Variants in C19orf12 observed in about 807,000 individuals in gnomAD.
C19orf12 encodes chromosome 19 open reading frame 12, also known as protein C19orf12.
In C19orf12, 2 loss-of-function variants were observed where a neutral mutation model predicts 3.8. That is an observed-to-expected ratio of 0.53 (90% confidence interval 0.22 to 1.66). C19orf12 has a LOEUF of 1.66. Among genes scored for constraint, C19orf12 ranks in the 40% most tolerant of loss-of-function variants. C19orf12 has a pLI of 0.20. For missense variants in C19orf12, 156 were observed against 188.8 expected, an observed-to-expected ratio of 0.83 and a Z score of 1.02; for synonymous variants, 89 against 84.6, an observed-to-expected ratio of 1.05 and a Z score of -0.28.
In C19orf12 at chr19:29,700,245, G is replaced by A. The variant is rs1372158131; in HGVS notation, c.*2467C>T. ...AATGGGGCCCAATCGCCTAACAAAG[G>A]CAACTCAATTTCAGCCCCGATTGTT... On this transcript the variant is annotated 3_prime_UTR_variant, in exon 3 of 3. Transcript: ENST00000323670. The A allele has an allele frequency of 4.4e-6, 2 of 453,992 alleles. No individual in the cohort carries two copies. Among genetic ancestry groups the A allele is most frequent in the Non-Finnish European group, 8.8e-6 (2 of 226,804 alleles). The allele number at this position is 453,992 out of a possible 1,614,324, so 28.1% of individuals were successfully genotyped here.
rs2099101 is a variant in C19orf12 at position 29,705,141 on chromosome 19, C to T, written c.161-2164G>A. 146,861 of 198,990 alleles carry T rather than the reference C, an allele frequency of 0.74. 55,570 individuals are homozygous for T. Among genetic ancestry groups the T allele is most frequent in the African/African-American group, 0.86 (37,105 of 42,990 alleles). 12.3% of individuals were successfully genotyped at this position (198,990 alleles called of 1,614,324 possible). On this transcript the variant is annotated intron_variant, in intron 2 of 2. Transcript: ENST00000323670. ...TCACTGACGTCATGTGAATATCACA[C>T]ACCCCCAGAATTAATGCAAGACAAG...
upstream of C19orf12, chr19:29,715,285 C>T (rs547652287): frequency 5.0e-6 from 2 of 398,072 alleles, no homozygotes; most frequent in Non-Finnish European, 9.8e-6. Context: ...GTCCCACCTT[C>T]CGGCTGCGCC....
chr19:29,707,400 C>T (rs1972431614), intron 2 of C19orf12, among the ~76,000 whole-genome samples: 1 of 152,082 alleles, frequency 6.6e-6, no homozygotes, highest in South Asian at 2.1e-4. Context: ...GTGGGCAGGC[C>T]CTCTAAGGGT....
chr19:29,700,425 G>C lies in C19orf12; in HGVS notation c.*2287C>G, dbSNP rs987918581. 4.4e-6 allele frequency: 2 copies of C among 454,038 alleles called. No homozygotes were observed. The highest frequency in any genetic ancestry group is 4.7e-5 in the Admixed American group (2 of 42,568). The allele number at this position is 454,038 out of a possible 1,614,324, so 28.1% of individuals were successfully genotyped here. Reference sequence around the variant, plus strand: ...ACGTTTTTTCCTTCACACTAAAAACGGGCAACTTTAGAGCCCACTAAAGCT... The same window carrying C: ...ACGTTTTTTCCTTCACACTAAAAACCGGCAACTTTAGAGCCCACTAAAGCT... On this transcript the variant is annotated 3_prime_UTR_variant, in exon 3 of 3. Transcript: ENST00000323670.
chr19:29,708,265 C>A lies in C19orf12; in HGVS notation c.149G>T (p.Gly50Val). 6.2e-7 allele frequency: 1 copy of A among 1,612,320 alleles called. No homozygotes were observed. Among genetic ancestry groups the A allele is most frequent in the South Asian group, 1.1e-5 (1 of 91,078 alleles). Residue 50 changes from glycine to valine, a missense_variant, in exon 2 of 3, where the codon GGA becomes GTA. Physicochemically the swap from Gly to Val is moderately radical, Grantham distance 109. Coordinates refer to ENST00000323670, the MANE Select transcript of C19orf12 (RefSeq NM_031448.6). ...ACACCTGCACTTACCAACGGCGAGT[C>A]CCGGTGGGCCGCCCACCAAACCCCC... ...FVGGLVGGPP[G>V]LAVGGAVGGL...
intron 1 of C19orf12, 40 bp from the exon 2 acceptor site, chr19:29,708,463 T>A (rs773877667): frequency 6.2e-7 from 1 of 1,607,006 alleles, no homozygotes; most frequent in Non-Finnish European, 8.5e-7. Context: ...TCAATGAGCA[T>A]AAGAGTATTT....
At chr19:29,710,660 C>G (rs1376240246) in intron 1 of C19orf12, among the ~76,000 whole-genome samples, 1 of 152,110 alleles carries the variant, frequency 6.6e-6, no homozygotes, top group South Asian at 2.1e-4. Flanking sequence ...CCTTGTGAGC[C>G]CTGCTCACAT....
At position 29,700,103 on chromosome 19, in the gene C19orf12, G is replaced by A; in HGVS notation, c.*2609C>T. On this transcript the variant is annotated 3_prime_UTR_variant, in exon 3 of 3. Transcript: ENST00000323670. ...ATCTCCTCCCTGGGCATTTTTCCCT[G>A]CAGTAGGGGTGGGCAGGCTGTGGGA... 1 of 454,044 alleles carries A rather than the reference G, an allele frequency of 2.2e-6. No homozygotes were observed. Among genetic ancestry groups the A allele is most frequent in the South Asian group, 1.6e-5 (1 of 64,480 alleles). The allele number at this position is 454,044 out of a possible 1,614,324, so 28.1% of individuals were successfully genotyped here. A position where few individuals can be genotyped will look rare whatever the true frequency, so the allele number is the denominator to read the frequency against.
At position 29,700,729 on chromosome 19, in the gene C19orf12, T is replaced by C. The variant is rs1007852045; in HGVS notation, c.*1983A>G. On this transcript the variant is annotated 3_prime_UTR_variant, in exon 3 of 3. Coordinates refer to ENST00000323670, the MANE Select transcript of C19orf12 (RefSeq NM_031448.6). ...GAGGCCAGCAGAAGAGCAATCGCTC[T>C]GCAAGAGAAAGGCTCGGCCCTTCCT... is the stretch of plus-strand genomic sequence containing the variant. 16 of 454,058 alleles carry C rather than the reference T, an allele frequency of 3.5e-5. No individual in the cohort carries two copies. Among genetic ancestry groups the C allele is most frequent in the Non-Finnish European group, 7.1e-5 (16 of 226,814 alleles). The allele number at this position is 454,058 out of a possible 1,614,324, so 28.1% of individuals were successfully genotyped here.
intron 2 of C19orf12, among the ~76,000 whole-genome samples, chr19:29,706,980 G>GTAAC (rs1972412539): frequency 6.6e-6 from 1 of 152,238 alleles, no homozygotes; most frequent in Non-Finnish European, 1.5e-5. Flanking sequence ...GCCAAAGAAA[G>GTAAC]TAACTTCATC....
Position 29,708,354 on chromosome 19 carries a change from C to A in C19orf12, c.60G>T (p.Lys20Asn). 6.2e-7 allele frequency: 1 copy of A among 1,614,162 alleles called. No homozygotes were observed. The highest frequency in any genetic ancestry group is 1.6e-4 in the Middle Eastern group (1 of 6,062). The stretch of plus-strand genomic sequence containing the variant: ...CAGAGTGCTTGACAGCCGCCTTCAT[C>A]TTCCTCTCCCCAGAAAGGGAGCACA... The part of the protein sequence containing the change: ...KLLCSLSGER[K>N]MKAAVKHSGK... Residue 20 changes from lysine (K) to asparagine (N), a missense_variant, in exon 2 of 3, where the codon AAG becomes AAT. Transcript: ENST00000323670.
chr19:29,709,665 G>C (rs1972572052), intron 1 of C19orf12, among the ~76,000 whole-genome samples: 1 of 151,738 alleles, frequency 6.6e-6, no homozygotes, highest in Non-Finnish European at 1.5e-5. Flanking sequence ...GAGTAGATGG[G>C]ACTACAGGTA....
In C19orf12 at chr19:29,708,317, G is replaced by A. The variant is rs924400456; in HGVS notation, c.97C>T (p.Leu33=). The change falls in exon 2 of 3, where the codon CTG becomes TTG. Residue 33 remains leucine, a synonymous_variant. Coordinates refer to ENST00000323670, the MANE Select transcript of C19orf12 (RefSeq NM_031448.6). ...AAVKHSGKGA[L]VTGAMAFVGG... Reference sequence around the variant, plus strand: ...ACGAAGGCCATGGCCCCTGTGACCAGGGCACCCTTCCCAGAGTGCTTGACA... The same window carrying A: ...ACGAAGGCCATGGCCCCTGTGACCAAGGCACCCTTCCCAGAGTGCTTGACA... The A allele has an allele frequency of 1.9e-6, 3 of 1,613,966 alleles. No homozygotes were observed. Among genetic ancestry groups the A allele is most frequent in the Non-Finnish European group, 2.5e-6 (3 of 1,179,998 alleles).
At chr19:29,705,572 G>A (rs1599540700) in intron 2 of C19orf12, among the ~76,000 whole-genome samples, 1 of 148,948 alleles carries the variant, frequency 6.7e-6, no homozygotes, top group East Asian at 2.0e-4. Context: ...GTGCAGTGGT[G>A]TGATCATACC....
At chr19:29,714,815 A>ACCCCCCCCCCCCCCCCCCCCC in intron 1 of C19orf12, 3 of 146,400 alleles carry the variant, frequency 2.0e-5, no homozygotes, top group Non-Finnish European at 4.2e-5. Context: ...CACCACCCGC[A>ACCCCCCCCCCCCCCCCCCCCC]CCCCACCCCC....
intron 1 of C19orf12, among the ~76,000 whole-genome samples, chr19:29,711,367 T>C (rs1972669085): frequency 6.6e-6 from 1 of 152,184 alleles, no homozygotes; most frequent in South Asian, 2.1e-4. Flanking sequence ...GAAGTACATA[T>C]TAAAGTAACC....
chr19:29,703,110 G>A (rs1972202881), intron 2 of C19orf12, 133 bp from the exon 3 acceptor site: 3 of 1,183,628 alleles, frequency 2.5e-6, no homozygotes, highest in Non-Finnish European at 3.7e-6. Flanking sequence ...GGCTCAGCCG[G>A]TGCCACGCCT....
In C19orf12 at chr19:29,700,161, G is replaced by C. The variant is rs1326505754; in HGVS notation, c.*2551C>G. On this transcript the variant is annotated 3_prime_UTR_variant, in exon 3 of 3. Transcript: ENST00000323670. ...CAGTGGACACTGGGCCTCTGAGCTGGGACCACCTGTGTCCCCTGGGCCTGA... is the reference window on the plus strand; with the variant it reads ...CAGTGGACACTGGGCCTCTGAGCTGCGACCACCTGTGTCCCCTGGGCCTGA... The C allele has an allele frequency of 2.2e-6, 1 of 453,876 alleles. No homozygotes were observed. Among genetic ancestry groups the C allele is most frequent in the Non-Finnish European group, 4.4e-6 (1 of 226,794 alleles). 28.1% of individuals were successfully genotyped at this position (453,876 alleles called of 1,614,324 possible).
In C19orf12 at chr19:29,702,942, T is replaced by C. The variant is rs1183310961; in HGVS notation, c.196A>G (p.Thr66Ala). The C allele has an allele frequency of 6.2e-7, 1 of 1,614,168 alleles. No homozygotes were observed. Among genetic ancestry groups the C allele is most frequent in the African/African-American group, 1.3e-5 (1 of 75,036 alleles). The part of the protein sequence containing the change: ...AVGGLLGAWM[T>A]SGQFKPVPQI... ...GGAACCGGCTTAAACTGTCCACTTG[T>C]CATCCAGGCACCTAACAGCCCCCCG... Residue 66 changes from threonine (T) to alanine (A), a missense_variant, in exon 3 of 3, where the codon ACA (threonine) becomes GCA (alanine). Coordinates refer to ENST00000323670, the MANE Select transcript of C19orf12 (RefSeq NM_031448.6).
Sources: gnomAD v4.1 joint callset for allele counts (sites outside exome capture counted in the v4.1 genomes callset) on GRCh38, gnomAD v4.1.1 for gene constraint, MANE v1.5 for transcripts, NCBI Gene and HGNC (gene_info 2026-07-23, HGNC 2026-07-21) for gene names.